Variants in ZSWIM4 observed in about 807,000 individuals in gnomAD.
The protein encoded by ZSWIM4 is zinc finger SWIM domain-containing protein 4.
In ZSWIM4, 62 loss-of-function variants were observed where a neutral mutation model predicts 102.5. The ratio of observed to expected loss-of-function variants is 0.60; its 90% CI spans 0.49 to 0.75. The LOEUF (loss-of-function observed/expected upper bound fraction) is 0.75, where lower values mean the gene tolerates loss of function less well. ZSWIM4 is among the 30% of genes least tolerant of loss of function. ZSWIM4 has a pLI of 0.00. For missense variants in ZSWIM4, 1,280 were observed against 1,529.6 expected (o/e 0.84, Z 2.72); for synonymous variants, 652 against 674.5 (o/e 0.97, Z 0.52).
intron 8 of ZSWIM4, among the ~76,000 whole-genome samples, 179 bp downstream of exon 8, chr19:13,817,532 A>G (rs985537888): frequency 2.0e-5 from 3 of 152,200 alleles, no homozygotes; most frequent in African/African-American, 4.8e-5. Flanking sequence ...CCTGAAAGTG[A>G]GGCCACCATA....
chr19:13,817,693 T>TC, intron 8 of ZSWIM4, 29 bp from the exon 9 acceptor site: 1 of 1,604,594 alleles, frequency 6.2e-7, no homozygotes, highest in East Asian at 2.2e-5. Flanking sequence ...GGGATCCGTC[T>TC]CCAGCAGCCC....
chr19:13,800,675 G>A (rs959463601), intron 2 of ZSWIM4, among the ~76,000 whole-genome samples: 8 of 152,176 alleles, frequency 5.3e-5, no homozygotes, highest in African/African-American at 1.9e-4. Context: ...CCAAAGTGCT[G>A]GGATTACAGG....
intron 7 of ZSWIM4, among the ~76,000 whole-genome samples, chr19:13,816,909 C>T (rs1191991646): frequency 6.6e-6 from 1 of 152,088 alleles, no homozygotes; most frequent in Non-Finnish European, 1.5e-5. Flanking sequence ...AATGACACTT[C>T]GGGTGTTTTA....
chr19:13,812,378 C>CT (rs1032778819), intron 5 of ZSWIM4, among the ~76,000 whole-genome samples: 1 of 151,432 alleles, frequency 6.6e-6, no homozygotes, highest in African/African-American at 2.4e-5. Flanking sequence ...ACTGCAACCT[C>CT]TGCCTCCTGG....
chr19:13,812,924 C>A, intron 5 of ZSWIM4, 73 bp from the exon 6 acceptor site: 1 of 1,485,822 alleles, frequency 6.7e-7, no homozygotes, highest in Non-Finnish European at 9.1e-7. Flanking sequence ...AGGTGGCACA[C>A]AGTGGGCACT....
intron 1 of ZSWIM4, among the ~76,000 whole-genome samples, chr19:13,797,957 G>GT (rs1352923209): frequency 6.6e-6 from 1 of 152,150 alleles, no homozygotes; most frequent in East Asian, 1.9e-4. Context: ...GCACCCGGAC[G>GT]TATCTTATAA....
At position 13,817,750 on chromosome 19, in the gene ZSWIM4, C is replaced by T; in HGVS notation, c.1698C>T (p.Ala566=). ...CAGGCCCCGAGAAGCGGAAGGTGGC[C>T]TACCAGCACGTGCCTGTGCCCGGGA... ...PDSGPEKRKV[A]YQHVPVPGSP... is the part of the protein sequence containing the mutation. The change falls in exon 9 of 14, where the codon GCC becomes GCT. Residue 566 remains alanine, a synonymous_variant. Coordinates refer to ENST00000590508, the MANE Select transcript of ZSWIM4 (RefSeq NM_001367834.3). 6.2e-7 allele frequency: 1 copy of T among 1,606,730 alleles called. No homozygotes were observed. The highest frequency in any genetic ancestry group is 1.1e-5 in the South Asian group (1 of 89,204).
At position 13,809,861 on chromosome 19, in the gene ZSWIM4, G is replaced by A. The variant is rs1355667042; in HGVS notation, c.1012+641G>A. 6.6e-6 allele frequency among the ~76,000 whole-genome samples: 1 copy of A among 152,074 alleles called. No homozygotes were observed. Among genetic ancestry groups the A allele is most frequent in the East Asian group, 1.9e-4 (1 of 5,198 alleles). On this transcript the variant is annotated intron_variant, in intron 5 of 13. Transcript: ENST00000590508. The surrounding 1 kb of genome is among the most constrained non-coding windows in gnomAD (Gnocchi z 4.2). ...GGCTGAAGTACAGTGGCACAGTCAC[G>A]GCTCACTGTAACTTCAAACTCTTGG...
In ZSWIM4 at chr19:13,828,763, T is replaced by C. The variant is rs759789525; in HGVS notation, c.2461+37T>C. ...TAAGGGGACCTGCCACCCACTTCGC[T>C]GTTCTGGTTCTGCAGAGCGCACTGA... On this transcript the variant is annotated intron_variant, in intron 13 of 13. Coordinates refer to ENST00000590508, the MANE Select transcript of ZSWIM4 (RefSeq NM_001367834.3). 8.7e-6 allele frequency: 14 copies of C among 1,600,212 alleles called. No homozygotes were observed. The East Asian group carries it at 3.1e-4, about 36-fold the overall frequency.
In ZSWIM4 at chr19:13,814,700, C is replaced by T. The variant is rs778133127; in HGVS notation, c.1366C>T (p.Arg456Cys). Residue 456 changes from arginine to cysteine, a missense_variant, in exon 7 of 14, where the codon CGC becomes TGC. Physicochemically the swap from Arg to Cys is radical, Grantham distance 180. Transcript: ENST00000590508. ...GDKPTFDPQG[R>C]PLWLGEPFPT... ...CAAACCGACTTTCGACCCCCAGGGC[C>T]GCCCACTGTGGCTGGGAGAACCTTT... The T allele has an allele frequency of 2.3e-5, 29 of 1,287,096 alleles. No individual in the cohort carries two copies. Among genetic ancestry groups the T allele is most frequent in the African/African-American group, 7.6e-5 (5 of 65,830 alleles). The allele number at this position is 1,287,096 out of a possible 1,614,324, so 79.7% of individuals were successfully genotyped here. A position where few individuals can be genotyped will look rare whatever the true frequency, so the allele number is the denominator to read the frequency against.
intron 1 of ZSWIM4, among the ~76,000 whole-genome samples, chr19:13,796,301 G>A (rs1974611352): frequency 6.6e-6 from 1 of 151,146 alleles, no homozygotes; most frequent in Non-Finnish European, 1.5e-5. Context: ...TCGGCCCCCC[G>A]CTTGGGGACA....
At chr19:13,800,830 C>T (rs1294085010) in intron 2 of ZSWIM4, among the ~76,000 whole-genome samples, 1 of 152,084 alleles carries the variant, frequency 6.6e-6, no homozygotes, top group African/African-American at 2.4e-5. Context: ...CCAGAACTTA[C>T]ACATCAGAGC....
chr19:13,796,220 C>T (rs1974609304), intron 1 of ZSWIM4, among the ~76,000 whole-genome samples: 1 of 150,654 alleles, frequency 6.6e-6, no homozygotes, highest in Admixed American at 6.6e-5. Flanking sequence ...TATCCCCCAA[C>T]GGTACCCCTC....
intron 1 of ZSWIM4, among the ~76,000 whole-genome samples, chr19:13,798,496 C>T (rs903368316): frequency 4.6e-5 from 7 of 152,270 alleles, no homozygotes; most frequent in Middle Eastern, 3.4e-3. Context: ...TCCACCAAAG[C>T]CTGGTGGGTG....
chr19:13,826,413 T>C (rs1282460099), intron 12 of ZSWIM4, among the ~76,000 whole-genome samples: 2 of 152,146 alleles, frequency 1.3e-5, no homozygotes, highest in East Asian at 3.9e-4. Context: ...ACTGAAGGGC[T>C]GGCCTGGCGG....
At chr19:13,824,897 A>G (rs1489874423) in intron 11 of ZSWIM4, among the ~76,000 whole-genome samples, 1 of 152,054 alleles carries the variant, frequency 6.6e-6, no homozygotes, top group East Asian at 1.9e-4. Context: ...TGGGGCAGCC[A>G]GGGCACAGAG....
At chr19:13,826,404 C>T (rs1043931557) in intron 12 of ZSWIM4, among the ~76,000 whole-genome samples, 2 of 152,046 alleles carry the variant, frequency 1.3e-5, no homozygotes, top group Non-Finnish European at 2.9e-5. Flanking sequence ...GGATTCACCA[C>T]TGAAGGGCTG....
intron 6 of ZSWIM4, 53 bp from the exon 7 acceptor site, chr19:13,814,462 C>G (rs1975204590): frequency 4.2e-5 from 43 of 1,034,862 alleles, no homozygotes; most frequent in Non-Finnish European, 5.1e-5. Flanking sequence ...GGACACGGCT[C>G]AACTGCTATA....
At chr19:13,828,823 G>T in intron 13 of ZSWIM4, 97 bp downstream of exon 13, 1 of 1,230,184 alleles carries the variant, frequency 8.1e-7, no homozygotes. Context: ...AGAAGTGGCG[G>T]GGTGCGGTGG....
Sources: gnomAD v4.1 joint callset for allele counts (sites outside exome capture counted in the v4.1 genomes callset) on GRCh38, gnomAD v4.1.1 for gene constraint, Gnocchi (gnomAD v3.1) non-coding constraint, MANE v1.5 for transcripts, NCBI Gene and HGNC (gene_info 2026-07-23, HGNC 2026-07-21) for gene names.